ROBO2: variants seen among roughly 807,000 people sequenced by gnomAD.
The protein encoded by ROBO2 is roundabout guidance receptor 2.
A neutral mutation model predicts 160.8 loss-of-function variants in ROBO2; 53 were observed. The observed-to-expected ratio is 0.33, with a 90% CI of 0.26 to 0.41. The LOEUF is 0.41. Among genes scored for constraint, ROBO2 ranks in the 10% least tolerant of loss-of-function variants. The probability of loss-of-function intolerance (pLI) is 1.00; values close to 1 mark genes in which losing one functional copy is unlikely to be tolerated. For synonymous variants in ROBO2, 664 were observed against 611.7 expected (o/e 1.09, Z -1.26); for missense variants, 1,577 against 1,722.4 (o/e 0.92, Z 1.49).
chr3:76,435,356 A>G (rs1199042960), intron 2 of ROBO2: 5 of 797,940 alleles, frequency 6.3e-6, no homozygotes, highest in Non-Finnish European at 1.1e-5. Flanking sequence ...ATGAATTCCC[A>G]GTTCTTGAAC....
chr3:76,635,814 G>A (rs761829090), intron 2 of ROBO2, among the ~76,000 whole-genome samples: 5 of 152,198 alleles, frequency 3.3e-5, no homozygotes, highest in Non-Finnish European at 7.3e-5. Context: ...ATTGTTTATT[G>A]TAGCCAATGT....
At chr3:77,574,898 G>C (rs2093722977) in intron 14 of ROBO2, among the ~76,000 whole-genome samples, 168 bp downstream of exon 15, 1 of 151,968 alleles carries the variant, frequency 6.6e-6, no homozygotes, top group Non-Finnish European at 1.5e-5. Flanking sequence ...CTGACAAGCA[G>C]AAAAAAGGAC....
At chr3:77,281,193 T>G (rs1001819376) in intron 2 of ROBO2, among the ~76,000 whole-genome samples, 7 of 152,240 alleles carry the variant, frequency 4.6e-5, no homozygotes, top group African/African-American at 1.7e-4. Flanking sequence ...ATTGTTCATT[T>G]TCCTATAAAC....
At chr3:76,119,273 C>A (rs1436830407) in intron 2 of ROBO2, among the ~76,000 whole-genome samples, 1 of 152,038 alleles carries the variant, frequency 6.6e-6, no homozygotes, top group African/African-American at 2.4e-5. Flanking sequence ...ACTGGTATTG[C>A]ACTATTTATA....
At position 76,243,480 on chromosome 3, in the gene ROBO2, ATAAGC is replaced by A. The variant is rs376710952; in HGVS notation, c.109+305882_109+305886del. On this transcript the variant is annotated intron_variant, in intron 2 of 26. Transcript: ENST00000487694. ...TCACTTATATTACAAAACAGTATAA[ATAAGC>A]TAAAGAGAAAACACAGTAGTACCCA... Among the ~76,000 whole-genome samples, 1,075 of 152,348 alleles carry A rather than the reference ATAAGC, an allele frequency of 7.1e-3. 6 individuals are homozygous for A. Among genetic ancestry groups the A allele is most frequent in the African/African-American group, 0.022 (898 of 41,572 alleles).
intron 2 of ROBO2, among the ~76,000 whole-genome samples, chr3:76,360,230 T>C (rs114496450): frequency 2.9e-3 from 435 of 152,142 alleles, no homozygotes; most frequent in African/African-American, 0.01. Context: ...TAGATCTCTT[T>C]TCGGTTTTCC....
chr3:77,384,959 A>T (rs2073945194), intron 2 of ROBO2, among the ~76,000 whole-genome samples: 1 of 152,178 alleles, frequency 6.6e-6, no homozygotes, highest in Non-Finnish European at 1.5e-5. Context: ...TCTCTGCAAA[A>T]CAAAAACACT....
intron 2 of ROBO2, among the ~76,000 whole-genome samples, chr3:76,963,870 TAAAAA>T (rs1293551060): frequency 7.5e-6 from 1 of 133,902 alleles, no homozygotes; most frequent in Non-Finnish European, 1.6e-5. Flanking sequence ...AAAAAAGAAA[TAAAAA>T]GAAAAAGAAA....
intron 2 of ROBO2, among the ~76,000 whole-genome samples, chr3:76,014,668 A>G (rs2066351900): frequency 1.3e-5 from 2 of 152,166 alleles, no homozygotes; most frequent in South Asian, 2.1e-4. Flanking sequence ...TGGCTTATGC[A>G]TGTAATCCCC....
chr3:76,997,992 A>T (rs1319339172), intron 2 of ROBO2, among the ~76,000 whole-genome samples: 1 of 152,106 alleles, frequency 6.6e-6, no homozygotes, highest in African/African-American at 2.4e-5. Context: ...ACAAAAGAAC[A>T]TAAATCCTCT....
chr3:77,031,301 A>C (rs574382748), intron 2 of ROBO2, among the ~76,000 whole-genome samples: 1 of 152,030 alleles, frequency 6.6e-6, no homozygotes, highest in East Asian at 1.9e-4. Context: ...TATTTGTAGA[A>C]TATTCATTCT....
intron 2 of ROBO2, among the ~76,000 whole-genome samples, chr3:77,005,894 G>A (rs1177261171): frequency 6.6e-6 from 1 of 152,154 alleles, no homozygotes; most frequent in East Asian, 1.9e-4. Flanking sequence ...GTCCTTCAAA[G>A]AATATATTGG....
intron 2 of ROBO2, among the ~76,000 whole-genome samples, chr3:76,772,628 A>T (rs1011753681): frequency 6.7e-6 from 1 of 149,884 alleles, no homozygotes; most frequent in African/African-American, 2.4e-5. Context: ...TACTGGATCT[A>T]TTGATCTAGA....
chr3:77,536,070 A>C (rs2092077495), intron 6 of ROBO2, among the ~76,000 whole-genome samples: 1 of 152,308 alleles, frequency 6.6e-6, no homozygotes, highest in Middle Eastern at 3.4e-3. Context: ...TTTAGATGAA[A>C]AAATACATGG....
chr3:77,480,357 C>A (rs1162321719), intron 3 of ROBO2, among the ~76,000 whole-genome samples: 1 of 150,890 alleles, frequency 6.6e-6, no homozygotes, highest in Non-Finnish European at 1.5e-5. Context: ...GAAAGCCTAA[C>A]TCTGCTTTAA....
intron 2 of ROBO2, among the ~76,000 whole-genome samples, chr3:76,008,997 C>T (rs2066113994): frequency 6.6e-6 from 1 of 152,050 alleles, no homozygotes; most frequent in African/African-American, 2.4e-5. Flanking sequence ...CTTAGCAAGG[C>T]CTGTTTGTTC....
intron 2 of ROBO2, among the ~76,000 whole-genome samples, chr3:76,024,923 ATG>A (rs1272397670): frequency 6.7e-6 from 1 of 150,076 alleles, no homozygotes; most frequent in Non-Finnish European, 1.5e-5. Context: ...AAGTATATGT[ATG>A]TGTGTGTGTG....
chr3:76,367,672 C>T (rs2075892450), intron 2 of ROBO2, among the ~76,000 whole-genome samples: 1 of 151,748 alleles, frequency 6.6e-6, no homozygotes, highest in Non-Finnish European at 1.5e-5. Flanking sequence ...TCAAGTGGCC[C>T]CAATTTCCAT....
intron 2 of ROBO2, among the ~76,000 whole-genome samples, chr3:77,031,374 TA>T (rs887842889): frequency 1.3e-5 from 2 of 150,806 alleles, no homozygotes; most frequent in African/African-American, 2.4e-5. Flanking sequence ...TTTTTTCATA[TA>T]AAAAACTTCC....
Sources: allele counts gnomAD v4.1 joint callset (sites outside exome capture counted in the v4.1 genomes callset), GRCh38; gene constraint gnomAD v4.1.1; transcripts MANE v1.5; gene names NCBI Gene and HGNC (gene_info 2026-07-23, HGNC 2026-07-21).